The following KDM2B variants were observed in gnomAD, a reference collection of about 807,000 sequenced individuals.
KDM2B encodes the protein lysine demethylase 2B, also known as lysine-specific demethylase 2B.
Under a neutral mutation model 150.0 loss-of-function variants are expected in KDM2B, and 26 were observed. The observed-to-expected ratio is 0.17, with a 90% CI of 0.13 to 0.24. The LOEUF (loss-of-function observed/expected upper bound fraction) is 0.24, where lower values mean the gene tolerates loss of function less well. Ranked by LOEUF, KDM2B falls within the 10% of genes least tolerant of loss-of-function variation. The pLI is 1.00. For missense variants in KDM2B, 1,265 were observed against 1,816.9 expected, an observed-to-expected ratio of 0.70 and a Z score of 5.52; for synonymous variants, 734 against 729.5, an observed-to-expected ratio of 1.01 and a Z score of -0.10.
At chr12:121,483,264 A>G (rs1184539662) in intron 12 of KDM2B, among the ~76,000 whole-genome samples, 1 of 149,666 alleles carries the variant, frequency 6.7e-6, no homozygotes, top group Non-Finnish European at 1.5e-5. Context: ...CTCCGTCTCA[A>G]AAAAAATTTA....
chr12:121,507,781 T>G (rs1193003364), intron 11 of KDM2B, among the ~76,000 whole-genome samples: 1 of 151,486 alleles, frequency 6.6e-6, no homozygotes, highest in African/African-American at 2.4e-5. Flanking sequence ...GAAGCTGAGG[T>G]GGGAGGATCG....
chr12:121,534,755 C>T (rs532458432), intron 6 of KDM2B, 165 bp from the exon 7 acceptor site: 89 of 581,808 alleles, frequency 1.5e-4, no homozygotes, highest in African/African-American at 1.1e-3. Flanking sequence ...GAGTTCCCCA[C>T]GGGGGAAGCC....
intron 11 of KDM2B, among the ~76,000 whole-genome samples, chr12:121,502,760 CAAAAAA>C (rs3080029): frequency 2.9e-4 from 13 of 45,184 alleles, no homozygotes; most frequent in African/African-American, 5.6e-4. Flanking sequence ...CCATCTCTAC[CAAAAAA>C]AAAAAAAAAA....
chr12:121,502,392 T>C (rs1270085666), intron 11 of KDM2B, among the ~76,000 whole-genome samples: 2 of 152,120 alleles, frequency 1.3e-5, no homozygotes, highest in Non-Finnish European at 2.9e-5. Flanking sequence ...GAGGCCGAGA[T>C]AGGCAGATTG....
chr12:121,492,527 C>T (rs1318826406), intron 12 of KDM2B, among the ~76,000 whole-genome samples: 2 of 151,636 alleles, frequency 1.3e-5, no homozygotes, highest in Admixed American at 6.6e-5. Flanking sequence ...AGGCTAGTCT[C>T]GAACTCCTGA....
chr12:121,481,763 T>TTTG lies in KDM2B; in HGVS notation c.1734+12815_1734+12816insCAA, dbSNP rs1555297927. 7.1e-3 allele frequency among the ~76,000 whole-genome samples: 1,057 copies of TTTG among 148,812 alleles called. 11 individuals are homozygous for TTTG. Among genetic ancestry groups the TTTG allele is most frequent in the African/African-American group, 0.025 (991 of 39,898 alleles). On this transcript the variant is annotated intron_variant, in intron 12 of 22. Transcript: ENST00000377071. ...TTTCAAGAACTTATCTTAGGGTTTT[T>TTTG]TTTGTTTGTTTGTTTGTTTGTTTGT...
At chr12:121,418,079 T>C in the KDM2B span, 6 of 732,774 alleles carry the variant, frequency 8.2e-6, no homozygotes, top group African/African-American at 1.8e-5. Flanking sequence ...TGATGTATAG[T>C]GTCTGCTGAG....
intron 4 of KDM2B, among the ~76,000 whole-genome samples, chr12:121,555,128 G>A (rs1889799893): frequency 6.6e-6 from 1 of 152,158 alleles, no homozygotes; most frequent in Non-Finnish European, 1.5e-5. Context: ...AGCAATGGCT[G>A]TGCCACTGCA....
At chr12:121,573,864 G>A (rs1435727652) in intron 4 of KDM2B, among the ~76,000 whole-genome samples, 1 of 152,140 alleles carries the variant, frequency 6.6e-6, no homozygotes, top group African/African-American at 2.4e-5. Context: ...TGGGATTACA[G>A]GTGTGAGCCA....
intron 6 of KDM2B, among the ~76,000 whole-genome samples, chr12:121,546,596 G>T (rs1461720048): frequency 6.6e-6 from 1 of 151,170 alleles, no homozygotes; most frequent in Non-Finnish European, 1.5e-5. Context: ...GTAGAGACGG[G>T]GTTTCACCAT....
intron 9 of KDM2B, among the ~76,000 whole-genome samples, chr12:121,517,598 A>G (rs1886326544): frequency 6.6e-6 from 1 of 151,014 alleles, no homozygotes; most frequent in Non-Finnish European, 1.5e-5. Flanking sequence ...CCTCCCGATT[A>G]GCTGGGACTA....
intron 10 of KDM2B, among the ~76,000 whole-genome samples, chr12:121,512,269 C>T (rs907122129): frequency 6.6e-6 from 1 of 151,986 alleles, no homozygotes; most frequent in African/African-American, 2.4e-5. Context: ...CATCATCAGG[C>T]GGGAATGAGG....
intron 12 of KDM2B, chr12:121,470,160 T>G (rs1880617156): frequency 6.6e-6 from 1 of 151,970 alleles, no homozygotes; most frequent in African/African-American, 2.4e-5. Flanking sequence ...CAAAGGTTTT[T>G]CCCATTACCA....
chr12:121,483,649 C>T (rs1202152450), intron 12 of KDM2B, among the ~76,000 whole-genome samples: 1 of 151,874 alleles, frequency 6.6e-6, no homozygotes, highest in African/African-American at 2.4e-5. Context: ...CGCACTCCAG[C>T]CTGGGTGACA....
At chr12:121,580,116 G>A in intron 1 of KDM2B, 2 of 1,575,380 alleles carry the variant, frequency 1.3e-6, no homozygotes, top group South Asian at 1.2e-5. Flanking sequence ...GGCCGAGGGG[G>A]GAAGGAGGGA....
intron 12 of KDM2B, among the ~76,000 whole-genome samples, chr12:121,456,624 A>G (rs1312711495): frequency 6.6e-6 from 1 of 152,212 alleles, no homozygotes; most frequent in Non-Finnish European, 1.5e-5. Context: ...AGGTATCAAT[A>G]GCCACTGAGT....
At chr12:121,577,956 A>G (rs1360022823) in intron 2 of KDM2B, among the ~76,000 whole-genome samples, 2 of 152,084 alleles carry the variant, frequency 1.3e-5, no homozygotes, top group African/African-American at 2.4e-5. Flanking sequence ...CCAGGGAGAA[A>G]CTCAGGCCGT....
At chr12:121,529,876 G>T (rs549958361) in intron 8 of KDM2B, among the ~76,000 whole-genome samples, 3 of 149,274 alleles carry the variant, frequency 2.0e-5, no homozygotes, top group Non-Finnish European at 4.4e-5. Flanking sequence ...GTTGCAGTGA[G>T]CCAAGATTGC....
At chr12:121,413,020 A>T in the KDM2B span, among the ~76,000 whole-genome samples, 1 of 133,730 alleles carries the variant, frequency 7.5e-6, no homozygotes, top group Non-Finnish European at 1.6e-5. Context: ...TGCCCAGGCT[A>T]TTTTTTTTTT....
Sources: allele counts gnomAD v4.1 joint callset (sites outside exome capture counted in the v4.1 genomes callset), GRCh38; gene constraint gnomAD v4.1.1; transcripts MANE v1.5; gene names NCBI Gene and HGNC (gene_info 2026-07-23, HGNC 2026-07-21).